Variants in STK3 observed in about 807,000 individuals in gnomAD.
STK3 encodes serine/threonine-protein kinase 3.
In STK3, 41 loss-of-function variants were observed where a neutral mutation model predicts 58.0. That is an observed-to-expected ratio of 0.71 (90% CI 0.55 to 0.92). The LOEUF is 0.92. STK3 is among the 40% of genes least tolerant of loss of function. STK3 has a pLI of 0.00. For synonymous variants in STK3, 170 were observed against 191.0 expected, an observed-to-expected ratio of 0.89 and a Z score of 0.91; for missense variants, 479 against 602.7, an observed-to-expected ratio of 0.79 and a Z score of 2.15.
chr8:98,639,305 G>A (rs987820975), intron 6 of STK3, among the ~76,000 whole-genome samples: 2 of 152,050 alleles, frequency 1.3e-5, no homozygotes, highest in Non-Finnish European at 2.9e-5. Flanking sequence ...TAGAGACAGG[G>A]TTTTGTCATG....
chr8:98,707,806 T>C (rs1182370009), intron 4 of STK3, among the ~76,000 whole-genome samples: 2 of 152,078 alleles, frequency 1.3e-5, no homozygotes, highest in African/African-American at 4.8e-5. Context: ...TTATTACACA[T>C]TTTACTAATG....
intron 6 of STK3, chr8:98,633,868 C>G: frequency 2.6e-6 from 1 of 384,756 alleles, no homozygotes; most frequent in Admixed American, 3.9e-5. Context: ...AAACCCCAGG[C>G]CTGAAGAAAT....
chr8:98,506,106 C>T (rs1395335384), intron 10 of STK3, among the ~76,000 whole-genome samples: 10 of 152,192 alleles, frequency 6.6e-5, no homozygotes, highest in East Asian at 1.9e-4. Flanking sequence ...TCAGCAATGG[C>T]GGATGCCCCT....
chr8:98,418,686 CA>C (rs1343620020), intron 3 of STK3, among the ~76,000 whole-genome samples: 1 of 152,200 alleles, frequency 6.6e-6, no homozygotes, highest in African/African-American at 2.4e-5. Flanking sequence ...AGATTTCTCA[CA>C]ACTTCCCAGC....
At chr8:98,690,953 C>T (rs773030146) in intron 6 of STK3, among the ~76,000 whole-genome samples, 2 of 152,186 alleles carry the variant, frequency 1.3e-5, no homozygotes, top group Non-Finnish European at 2.9e-5. Context: ...CAAACTAACA[C>T]AGAAACAGAA....
At chr8:98,369,570 A>G (rs1291224520), downstream of STK3, among the ~76,000 whole-genome samples, 2 of 152,158 alleles carry the variant, frequency 1.3e-5, no homozygotes, top group East Asian at 3.9e-4. Context: ...CCAGAAAATA[A>G]GTTTCATGTG....
At chr8:98,780,485 C>T (rs773729339) in intron 1 of STK3, among the ~76,000 whole-genome samples, 1 of 152,092 alleles carries the variant, frequency 6.6e-6, no homozygotes, top group Non-Finnish European at 1.5e-5. Flanking sequence ...TATGTGTATA[C>T]AAAGGAAACT....
intron 3 of STK3, among the ~76,000 whole-genome samples, chr8:98,416,230 G>C (rs577386760): frequency 6.6e-6 from 1 of 152,346 alleles, no homozygotes; most frequent in African/African-American, 2.4e-5. Flanking sequence ...AAGGGACTGA[G>C]AGCTGGATTT....
intron 8 of STK3, among the ~76,000 whole-genome samples, chr8:98,550,482 C>A (rs897980215): frequency 6.6e-6 from 1 of 152,148 alleles, no homozygotes; most frequent in African/African-American, 2.4e-5. Flanking sequence ...TCCCCAACAA[C>A]CACCACAAAG....
chr8:98,684,631 A>G (rs1403490781), intron 6 of STK3, among the ~76,000 whole-genome samples: 1 of 152,176 alleles, frequency 6.6e-6, no homozygotes, highest in South Asian at 2.1e-4. Context: ...TGTGAAGTAG[A>G]TGGATGAGGG....
chr8:98,496,513 T>C (rs1407230171), intron 10 of STK3, among the ~76,000 whole-genome samples: 1 of 152,102 alleles, frequency 6.6e-6, no homozygotes, highest in African/African-American at 2.4e-5. Flanking sequence ...AATCTAGAGA[T>C]CCAATGCAAT....
intron 8 of STK3, among the ~76,000 whole-genome samples, chr8:98,561,091 C>T (rs1811981243): frequency 6.6e-6 from 1 of 151,996 alleles, no homozygotes; most frequent in African/African-American, 2.4e-5. Context: ...AATCTTAAAA[C>T]TTCTATAACA....
chr8:98,449,393 A>C (rs1819095768), intron 1 of STK3, among the ~76,000 whole-genome samples: 2 of 152,184 alleles, frequency 1.3e-5, no homozygotes. Flanking sequence ...GATCAGAGAA[A>C]TGTAGATATA....
chr8:98,739,490 G>A (rs926056728), intron 4 of STK3, among the ~76,000 whole-genome samples: 17 of 149,786 alleles, frequency 1.1e-4, no homozygotes, highest in African/African-American at 4.2e-4. Flanking sequence ...AACAGAGTCT[G>A]TAGTGGACCT....
At chr8:98,913,906 G>A (rs1006611115) in intron 1 of STK3, among the ~76,000 whole-genome samples, 5 of 152,128 alleles carry the variant, frequency 3.3e-5, no homozygotes, top group Non-Finnish European at 7.4e-5. Context: ...TTTTCTCATC[G>A]CAAAAACACG....
At chr8:98,478,273 T>C (rs1821537742) in intron 10 of STK3, among the ~76,000 whole-genome samples, 1 of 152,144 alleles carries the variant, frequency 6.6e-6, no homozygotes, top group South Asian at 2.1e-4. Context: ...CTCAAACTCT[T>C]TTTCTTAAGG....
At chr8:98,535,500 C>T (rs558675618) in intron 9 of STK3, among the ~76,000 whole-genome samples, 2 of 150,152 alleles carry the variant, frequency 1.3e-5, no homozygotes, top group South Asian at 4.2e-4. Context: ...ACTGCTGAGG[C>T]TCTCGTTATG....
chr8:98,883,672 G>A, downstream of STK3: 1 of 702,976 alleles, frequency 1.4e-6, no homozygotes, highest in South Asian at 1.5e-5. Flanking sequence ...TCTTCTCCTT[G>A]TGTGCTCCAT....
intron 1 of STK3, among the ~76,000 whole-genome samples, chr8:98,810,780 T>G (rs1458676709): frequency 6.6e-6 from 1 of 152,172 alleles, no homozygotes; most frequent in Non-Finnish European, 1.5e-5. Flanking sequence ...TGGGGCCTAG[T>G]AGGAAGTGTT....
Sources: allele counts gnomAD v4.1 joint callset (sites outside exome capture counted in the v4.1 genomes callset), GRCh38; gene constraint gnomAD v4.1.1; transcripts MANE v1.5; gene names NCBI Gene and HGNC (gene_info 2026-07-23, HGNC 2026-07-21).